RAF1: variants seen among roughly 807,000 people sequenced by gnomAD.
RAF1 encodes RAF proto-oncogene serine/threonine-protein kinase.
RAF1 carries 27 observed loss-of-function variants against 81.1 expected under a neutral mutation model. That is an observed-to-expected ratio of 0.33 (90% confidence interval 0.25 to 0.46). RAF1 has a LOEUF of 0.46. Ranked by LOEUF, RAF1 falls within the 20% of genes least tolerant of loss-of-function variation. The pLI, the probability that RAF1 is intolerant of heterozygous loss-of-function variation, is 1.00. For synonymous variants in RAF1, 298 were observed against 294.0 expected, an observed-to-expected ratio of 1.01 and a Z score of -0.14; for missense variants, 598 against 826.0, an observed-to-expected ratio of 0.72 and a Z score of 3.38.
intron 1 of RAF1, among the ~76,000 whole-genome samples, chr3:12,649,766 G>A (rs2348199): frequency 0.59 from 89,034 of 151,996 alleles, 26,747 homozygotes; most frequent in East Asian, 0.92. Flanking sequence ...TTGGGAGGCC[G>A]AGGTGGGAGG....
chr3:12,647,199 G>C (rs559246031), intron 1 of RAF1, among the ~76,000 whole-genome samples: 91 of 151,906 alleles, frequency 6.0e-4, no homozygotes, highest in African/African-American at 2.1e-3. Flanking sequence ...GGAAGGCTGA[G>C]GCAGGAGAAT....
rs1402916935 is a variant in RAF1, at chr3:12,626,168, C to A, written c.-26-7421G>T. Reference sequence around the variant, plus strand: ...TGTAATCCCAGCAATCCCAGCTACTCAAGAGGTGGAGGTTGCAGTGAGCCA... The same window carrying A: ...TGTAATCCCAGCAATCCCAGCTACTAAAGAGGTGGAGGTTGCAGTGAGCCA... On this transcript the variant is annotated intron_variant, in intron 1 of 17. Coordinates refer to ENST00000442415, the MANE Select transcript of RAF1 (RefSeq NM_001354689.3). Among the ~76,000 whole-genome samples, 5 of 147,218 alleles carry A rather than the reference C, an allele frequency of 3.4e-5. No homozygotes were observed. The Admixed American group carries it at 3.5e-4, about 10-fold the overall frequency.
intron 1 of RAF1, among the ~76,000 whole-genome samples, chr3:12,626,018 C>A (rs1340863881): frequency 1.3e-5 from 2 of 151,396 alleles, no homozygotes; most frequent in Non-Finnish European, 2.9e-5. Context: ...GTAATCCCAG[C>A]ACTTTGGGAG....
chr3:12,600,987 A>T (rs2058845320), intron 8 of RAF1, among the ~76,000 whole-genome samples: 1 of 152,258 alleles, frequency 6.6e-6, no homozygotes, highest in Non-Finnish European at 1.5e-5. Flanking sequence ...CCTTCCAAAG[A>T]TTGGGATTCT....
intron 4 of RAF1, 141 bp from the exon 5 acceptor site, chr3:12,609,064 G>T: frequency 8.8e-7 from 1 of 1,132,690 alleles, no homozygotes; most frequent in Non-Finnish European, 1.3e-6. Flanking sequence ...ACAAATTAGA[G>T]TATATCTCTG....
At chr3:12,591,067 GACACCACCCCCAGTCCCA>G (rs1038178496) in intron 12 of RAF1, 93 bp from the exon 12 acceptor site, 97 of 1,214,918 alleles carry the variant, frequency 8.0e-5, no homozygotes, top group East Asian at 2.6e-4. Flanking sequence ...CTGTGCTGTC[GACACCACCCCCAGTCCCA>G]ACACCACCCC....
At chr3:12,638,665 C>A (rs954836317) in intron 1 of RAF1, among the ~76,000 whole-genome samples, 4 of 152,150 alleles carry the variant, frequency 2.6e-5, no homozygotes, top group African/African-American at 9.7e-5. Flanking sequence ...ATATTTTCTA[C>A]CTACTCACAC....
At chr3:12,607,351 C>A (rs2059066148) in intron 5 of RAF1, among the ~76,000 whole-genome samples, 1 of 152,118 alleles carries the variant, frequency 6.6e-6, no homozygotes, top group South Asian at 2.1e-4. Context: ...GTCTGTTAGA[C>A]TCAAAAGCTT....
chr3:12,663,226 G>C (rs1254318260), intron 1 of RAF1, among the ~76,000 whole-genome samples: 2 of 152,146 alleles, frequency 1.3e-5, no homozygotes, highest in Non-Finnish European at 2.9e-5. Context: ...TCATTCCAAA[G>C]CGTCCTGAGG....
Position 12,643,089 on chromosome 3 carries a change from A to G in RAF1, c.-27+20724T>C, listed in dbSNP as rs537618150. On this transcript the variant is annotated intron_variant, in intron 1 of 17. Coordinates refer to ENST00000442415, the MANE Select transcript of RAF1 (RefSeq NM_001354689.3). ...CCATTATCTTTTAAAAAGTCTAAACACTGGTAAGGCAAGACACAACTCCCA... is the reference window on the plus strand; with the variant it reads ...CCATTATCTTTTAAAAAGTCTAAACGCTGGTAAGGCAAGACACAACTCCCA... Among the ~76,000 whole-genome samples, 3 of 152,212 alleles carry G rather than the reference A, an allele frequency of 2.0e-5. No individual in the cohort carries two copies. In the East Asian group the frequency reaches 5.8e-4, roughly 29 times the overall value.
chr3:12,622,332 C>T (rs1304979010), intron 1 of RAF1, among the ~76,000 whole-genome samples: 89 of 152,182 alleles, frequency 5.8e-4, no homozygotes, highest in Non-Finnish European at 1.0e-4. Flanking sequence ...ACAGCCTGAA[C>T]AGGCTTAAAA....
chr3:12,637,484 G>A (rs942057308), intron 1 of RAF1, among the ~76,000 whole-genome samples: 3 of 151,240 alleles, frequency 2.0e-5, no homozygotes, highest in African/African-American at 4.9e-5. Flanking sequence ...AGGCTGTTCT[G>A]GAACTCCTGA....
intron 1 of RAF1, among the ~76,000 whole-genome samples, chr3:12,644,852 C>T (rs1037835099): frequency 6.6e-6 from 1 of 152,134 alleles, no homozygotes; most frequent in East Asian, 1.9e-4. Flanking sequence ...ATAATCCCAG[C>T]ACTTTGGGAG....
chr3:12,657,000 G>A (rs1453600478), intron 1 of RAF1, among the ~76,000 whole-genome samples: 5 of 138,960 alleles, frequency 3.6e-5, no homozygotes, highest in African/African-American at 8.1e-5. Context: ...TCCATCTCGG[G>A]GAAAAAAAAA....
At chr3:12,648,319 TAGGA>T (rs1412988241) in intron 1 of RAF1, among the ~76,000 whole-genome samples, 4 of 141,934 alleles carry the variant, frequency 2.8e-5, no homozygotes, top group Admixed American at 1.4e-4. Context: ...CATAATGAAG[TAGGA>T]AGGAAGGGGG....
At chr3:12,609,396 A>G in intron 3 of RAF1, 61 bp from the exon 4 acceptor site, 1 of 1,088,852 alleles carries the variant, frequency 9.2e-7, no homozygotes, top group Non-Finnish European at 1.4e-6. Context: ...AATAGAAATA[A>G]CAACAGCTAC....
chr3:12,638,952 G>C (rs897590404), intron 1 of RAF1, among the ~76,000 whole-genome samples: 1 of 151,892 alleles, frequency 6.6e-6, no homozygotes. Flanking sequence ...GATGGATTAC[G>C]TTTATTGATT....
chr3:12,611,801 C>T (rs2059218529), intron 3 of RAF1, 149 bp downstream of exon 3: 9 of 683,772 alleles, frequency 1.3e-5, no homozygotes, highest in Middle Eastern at 7.4e-4. Flanking sequence ...TTCTTAATAC[C>T]TATTTTTCTG....
At chr3:12,652,199 G>C (rs993216653) in intron 1 of RAF1, among the ~76,000 whole-genome samples, 1 of 148,826 alleles carries the variant, frequency 6.7e-6, no homozygotes, top group East Asian at 2.0e-4. Flanking sequence ...CTGGGAGACA[G>C]AGCAAGACTC....
Sources: gnomAD v4.1 joint callset for allele counts (sites outside exome capture counted in the v4.1 genomes callset) on GRCh38, gnomAD v4.1.1 for gene constraint, MANE v1.5 for transcripts, NCBI Gene and HGNC (gene_info 2026-07-23, HGNC 2026-07-21) for gene names.